Variants in TCF12 observed in about 807,000 individuals in gnomAD.
TCF12 encodes the protein transcription factor 12.
TCF12 carries 45 observed loss-of-function variants against 86.0 expected under a neutral mutation model. The ratio of observed to expected loss-of-function variants is 0.52; its 90% confidence interval spans 0.41 to 0.67. TCF12 has a LOEUF of 0.67. TCF12 is among the 30% of genes least tolerant of loss of function. TCF12 has a pLI of 0.00. For missense variants in TCF12, 881 were observed against 859.9 expected (o/e 1.02, Z -0.31); for synonymous variants, 330 against 299.6 (o/e 1.10, Z -1.05).
chr15:56,956,891 T>C (rs1204742977), intron 3 of TCF12, among the ~76,000 whole-genome samples: 3 of 152,218 alleles, frequency 2.0e-5, no homozygotes, highest in African/African-American at 7.2e-5. Flanking sequence ...TGCTCAACTT[T>C]CTGGAACTGT....
At chr15:56,921,438 A>C (rs2059788116) in intron 3 of TCF12, among the ~76,000 whole-genome samples, 1 of 127,096 alleles carries the variant, frequency 7.9e-6, no homozygotes, top group African/African-American at 3.0e-5. Flanking sequence ...AGTAAGTTAA[A>C]GTAGATCTAC....
At chr15:57,216,391 A>G (rs2058330851) in intron 8 of TCF12, among the ~76,000 whole-genome samples, 1 of 152,058 alleles carries the variant, frequency 6.6e-6, no homozygotes, top group Admixed American at 6.6e-5. Flanking sequence ...AGAGTAACAC[A>G]TAAGTGATTA....
intron 13 of TCF12, among the ~76,000 whole-genome samples, chr15:57,250,332 T>TG (rs1275996868): frequency 1.3e-5 from 2 of 152,090 alleles, no homozygotes; most frequent in African/African-American, 2.4e-5. Context: ...TCCTTCCCCC[T>TG]GGGGGAAAAA....
chr15:57,038,448 G>A (rs1395981128), intron 3 of TCF12, among the ~76,000 whole-genome samples: 4 of 146,138 alleles, frequency 2.7e-5, no homozygotes, highest in Non-Finnish European at 4.5e-5. Flanking sequence ...TGGGGGTGGT[G>A]GAGAGAAGGA....
chr15:57,249,009 G>T (rs1158787067), intron 13 of TCF12, among the ~76,000 whole-genome samples: 1 of 152,144 alleles, frequency 6.6e-6, no homozygotes, highest in Admixed American at 6.5e-5. Flanking sequence ...TTCTGTTACG[G>T]GGGGGCTTAC....
intron 12 of TCF12, among the ~76,000 whole-genome samples, chr15:57,235,262 T>G (rs1451765915): frequency 6.6e-6 from 1 of 152,180 alleles, no homozygotes. Context: ...TACTGAGCAT[T>G]TACATGCCCT....
At chr15:56,960,368 A>G (rs2061688877) in intron 3 of TCF12, among the ~76,000 whole-genome samples, 1 of 151,290 alleles carries the variant, frequency 6.6e-6, no homozygotes, top group Admixed American at 6.6e-5. Context: ...TTGCTTTGAT[A>G]TTTCAGGTAT....
At chr15:57,025,581 G>A (rs2065779660) in intron 3 of TCF12, among the ~76,000 whole-genome samples, 1 of 152,154 alleles carries the variant, frequency 6.6e-6, no homozygotes, top group Non-Finnish European at 1.5e-5. Flanking sequence ...CCTATAATAA[G>A]TGAAGAGAAA....
chr15:57,285,393 T>C (rs1459882099), intron 20 of TCF12, among the ~76,000 whole-genome samples: 1 of 152,204 alleles, frequency 6.6e-6, no homozygotes, highest in African/African-American at 2.4e-5. Context: ...GCTATATATA[T>C]TATATTGGGA....
chr15:57,285,723 A>G (rs2061905025), intron 20 of TCF12, among the ~76,000 whole-genome samples: 1 of 152,190 alleles, frequency 6.6e-6, no homozygotes, highest in South Asian at 2.1e-4. Context: ...CAGCTGTTTT[A>G]TACGCCTATA....
At chr15:57,004,747 G>A (rs1596067605) in intron 3 of TCF12, among the ~76,000 whole-genome samples, 1 of 151,890 alleles carries the variant, frequency 6.6e-6, no homozygotes, top group East Asian at 1.9e-4. Context: ...GTAGAGATGG[G>A]GTTTCACCAT....
intron 9 of TCF12, 48 bp from the exon 10 acceptor site, chr15:57,232,243 A>G (rs2059168669): frequency 6.2e-7 from 1 of 1,607,584 alleles, no homozygotes; most frequent in Non-Finnish European, 8.5e-7. Flanking sequence ...TCAAAATACA[A>G]GAAAATTTTT....
intron 6 of TCF12, among the ~76,000 whole-genome samples, chr15:57,168,443 A>G (rs549588299): frequency 6.6e-6 from 1 of 152,216 alleles, no homozygotes; most frequent in Non-Finnish European, 1.5e-5. Flanking sequence ...AAGATACACA[A>G]TTTATTCTGT....
chr15:57,130,527 CAG>C (rs1426538141), intron 5 of TCF12, among the ~76,000 whole-genome samples: 1 of 152,122 alleles, frequency 6.6e-6, no homozygotes, highest in Non-Finnish European at 1.5e-5. Context: ...AGTGCATTAT[CAG>C]GGGACCAGCT....
At chr15:57,233,025 A>G (rs558611013) in intron 11 of TCF12, among the ~76,000 whole-genome samples, 169 bp downstream of exon 11, 70 of 118,272 alleles carry the variant, frequency 5.9e-4, no homozygotes, top group African/African-American at 1.7e-3. Context: ...ATATGTATAT[A>G]TGTGTGTATA....
At chr15:57,117,462 A>G (rs767496750) in intron 5 of TCF12, among the ~76,000 whole-genome samples, 5 of 152,240 alleles carry the variant, frequency 3.3e-5, no homozygotes, top group Admixed American at 2.0e-4. Flanking sequence ...AAGAGTTGCT[A>G]TAATTTTAAG....
rs541926831 is a variant in TCF12, at chr15:57,178,930, A to G, written c.390+12464A>G. Among the ~76,000 whole-genome samples the G allele has an allele frequency of 4.6e-5, 7 of 152,184 alleles. No individual in the cohort carries two copies. The East Asian group carries it at 5.8e-4, about 13-fold the overall frequency. On this transcript the variant is annotated intron_variant, in intron 6 of 20. Coordinates refer to ENST00000333725, the MANE Select transcript of TCF12 (RefSeq NM_207037.2). ...AAATGACATTTAGCTTGTTCTCTTCATATTTCTTTTATTTCTAAGAAGTCT... is the reference window on the plus strand; with the variant it reads ...AAATGACATTTAGCTTGTTCTCTTCGTATTTCTTTTATTTCTAAGAAGTCT...
intron 5 of TCF12, among the ~76,000 whole-genome samples, chr15:57,141,868 C>T (rs1334436070): frequency 6.6e-6 from 1 of 152,020 alleles, no homozygotes; most frequent in African/African-American, 2.4e-5. Context: ...GGAAGATTAG[C>T]TAGATTATGG....
intron 6 of TCF12, among the ~76,000 whole-genome samples, chr15:57,186,907 A>G (rs540869112): frequency 1.3e-5 from 2 of 152,192 alleles, no homozygotes; most frequent in Non-Finnish European, 2.9e-5. Context: ...TCAGCTGAAC[A>G]TGGTGGCTCA....
Sources: gnomAD v4.1 joint callset for allele counts (sites outside exome capture counted in the v4.1 genomes callset) on GRCh38, gnomAD v4.1.1 for gene constraint, MANE v1.5 for transcripts, NCBI Gene and HGNC (gene_info 2026-07-23, HGNC 2026-07-21) for gene names.